NRG1: variants seen among roughly 807,000 people sequenced by gnomAD.
The protein encoded by NRG1 is neuregulin 1.
A neutral mutation model predicts 63.8 loss-of-function variants in NRG1; 18 were observed. The observed-to-expected ratio is 0.28, with a 90% CI of 0.19 to 0.42. NRG1 has a LOEUF of 0.42. Among genes scored for constraint, NRG1 ranks in the 10% least tolerant of loss-of-function variants. The pLI, the probability that NRG1 is intolerant of heterozygous loss-of-function variation, is 1.00. For missense variants in NRG1, 762 were observed against 814.7 expected (o/e 0.94, Z 0.79); for synonymous variants, 302 against 301.3 (o/e 1.00, Z -0.02).
At chr8:31,909,995 A>G (rs1832811660) in intron 1 of NRG1, among the ~76,000 whole-genome samples, 1 of 152,218 alleles carries the variant, frequency 6.6e-6, no homozygotes, top group Non-Finnish European at 1.5e-5. Flanking sequence ...ATGGGCCATT[A>G]AAATGCAAAC....
rs377759409 is a variant in NRG1, at chr8:32,094,306, G to A, written c.37+454875G>A. Among the ~76,000 whole-genome samples, 12 of 152,230 alleles carry A rather than the reference G, an allele frequency of 7.9e-5. No individual in the cohort carries two copies. In the South Asian group the frequency reaches 1.5e-3, roughly 18 times the overall value. On this transcript the variant is annotated intron_variant, in intron 1 of 10. Transcript: ENST00000519301. ...CAAGGTCAAAGAAGAAGAAGTAAGCGACTTGGCTAGGATGAGCTGTGACTT... is the reference window on the plus strand; with the variant it reads ...CAAGGTCAAAGAAGAAGAAGTAAGCAACTTGGCTAGGATGAGCTGTGACTT...
chr8:31,955,702 A>G (rs1407291359), intron 1 of NRG1, among the ~76,000 whole-genome samples: 1 of 152,114 alleles, frequency 6.6e-6, no homozygotes, highest in Non-Finnish European at 1.5e-5. Flanking sequence ...AAAAGTAGGG[A>G]TGCAGACAGC....
intron 1 of NRG1, among the ~76,000 whole-genome samples, chr8:32,428,431 AG>A (rs1817692972): frequency 6.6e-6 from 1 of 151,882 alleles, no homozygotes. Flanking sequence ...GTTCTAAAGC[AG>A]GGCTTCATTG....
In NRG1 at chr8:32,000,500, C is replaced by T. The variant is rs1812748953; in HGVS notation, c.37+361069C>T. ...CAGGCTGATCCCAAACTCCTGGCCT[C>T]AAGCAATCCTCCCACCTCAGCCCCC... On this transcript the variant is annotated intron_variant, in intron 1 of 10. Transcript: ENST00000519301. Among the ~76,000 whole-genome samples, 5 of 151,996 alleles carry T rather than the reference C, an allele frequency of 3.3e-5. No homozygotes were observed. In the South Asian group the frequency reaches 1.0e-3, roughly 32 times the overall value.
At chr8:31,934,524 C>A (rs892663220) in intron 1 of NRG1, among the ~76,000 whole-genome samples, 1 of 147,300 alleles carries the variant, frequency 6.8e-6, no homozygotes, top group South Asian at 2.2e-4. Flanking sequence ...CTCCCGGGTT[C>A]AAGCGATTCC....
intron 1 of NRG1, among the ~76,000 whole-genome samples, chr8:31,984,210 A>C (rs1275081615): frequency 6.6e-6 from 1 of 152,160 alleles, no homozygotes; most frequent in East Asian, 1.9e-4. Context: ...GGAAATTCTG[A>C]AAGATACAAG....
At chr8:32,683,603 A>G (rs1333798986) in intron 5 of NRG1, among the ~76,000 whole-genome samples, 1 of 152,114 alleles carries the variant, frequency 6.6e-6, no homozygotes, top group African/African-American at 2.4e-5. Context: ...CTGCCAGGAG[A>G]AGGGTTGCCT....
exon 12 of NRG1, chr8:32,764,638 G>C (rs935089000): frequency 2.8e-6 from 1 of 362,584 alleles, no homozygotes; most frequent in Admixed American, 4.3e-5. Context: ...ATGTTATGTC[G>C]AGAGCAAGTT....
At chr8:31,844,945 A>G (rs1826540618) in intron 1 of NRG1, among the ~76,000 whole-genome samples, 1 of 152,008 alleles carries the variant, frequency 6.6e-6, no homozygotes, top group South Asian at 2.1e-4. Flanking sequence ...CATCTCTACT[A>G]ACAATACAAA....
chr8:31,822,545 C>A (rs1268448973), intron 1 of NRG1, among the ~76,000 whole-genome samples: 1 of 152,178 alleles, frequency 6.6e-6, no homozygotes, highest in Non-Finnish European at 1.5e-5. Context: ...ACAGCAGCCA[C>A]TAGGCCTCCC....
rs138784832 is a variant in NRG1 at position 31,976,343 on chromosome 8, A to C, written c.37+336912A>C. Among the ~76,000 whole-genome samples the C allele has an allele frequency of 1.0e-3, 154 of 152,028 alleles. 1 individual carries two copies. The highest frequency in any genetic ancestry group is 3.5e-3 in the African/African-American group (144 of 41,472). ...ATTCTGGGTCTCCCTTCATCTTTGT[A>C]GGTTTCTGAGCTATTTTTGTACTGT... On this transcript the variant is annotated intron_variant, in intron 1 of 10. Coordinates refer to the NRG1 transcript ENST00000519301.
chr8:32,111,622 T>C (rs1336095050), intron 1 of NRG1, among the ~76,000 whole-genome samples: 1 of 152,226 alleles, frequency 6.6e-6, no homozygotes, highest in East Asian at 1.9e-4. Context: ...AATTGTCCAA[T>C]ATTTCTCAAG....
chr8:31,648,124 CTTTTTTTTTTTTTTTT>C (rs36074483), intron 1 of NRG1, among the ~76,000 whole-genome samples: 1 of 51,274 alleles, frequency 2.0e-5, no homozygotes, highest in Non-Finnish European at 3.3e-5. Flanking sequence ...TTTGACTACT[CTTTTTTTTTTTTTTTT>C]TTTTTTTTTT....
intron 5 of NRG1, among the ~76,000 whole-genome samples, chr8:32,659,737 C>T (rs1802410501): frequency 6.6e-6 from 1 of 152,174 alleles, no homozygotes; most frequent in Admixed American, 6.5e-5. Flanking sequence ...CCCCAGTCTT[C>T]ATCCCGATGG....
At chr8:32,695,810 A>C (rs1813154728) in intron 5 of NRG1, among the ~76,000 whole-genome samples, 1 of 152,238 alleles carries the variant, frequency 6.6e-6, no homozygotes, top group Admixed American at 6.5e-5. Flanking sequence ...AATCAGAGGG[A>C]GCAAGGTATT....
intron 1 of NRG1, among the ~76,000 whole-genome samples, chr8:31,838,052 T>C (rs1825846203): frequency 6.6e-6 from 1 of 152,098 alleles, no homozygotes; most frequent in South Asian, 2.1e-4. Context: ...TCCATACTGT[T>C]TTCCACAATG....
chr8:31,899,563 C>A (rs901839646), intron 1 of NRG1, among the ~76,000 whole-genome samples: 2 of 152,100 alleles, frequency 1.3e-5, no homozygotes, highest in Non-Finnish European at 2.9e-5. Context: ...ATTATCATTT[C>A]TTACTGGTCC....
chr8:32,547,141 T>C (rs1833154041), upstream of NRG1, among the ~76,000 whole-genome samples: 1 of 152,200 alleles, frequency 6.6e-6, no homozygotes, highest in Non-Finnish European at 1.5e-5. Context: ...CTGAGAATGT[T>C]TTCTCTACAT....
intron 1 of NRG1, among the ~76,000 whole-genome samples, chr8:32,443,526 T>C (rs1035352405): frequency 1.1e-4 from 16 of 152,086 alleles, no homozygotes; most frequent in Admixed American, 9.2e-4. Context: ...CTAGGACAAG[T>C]GGCAGCTAAG....
Sources: gnomAD v4.1 joint callset for allele counts (sites outside exome capture counted in the v4.1 genomes callset) on GRCh38, gnomAD v4.1.1 for gene constraint, MANE v1.5 for transcripts, NCBI Gene and HGNC (gene_info 2026-07-23, HGNC 2026-07-21) for gene names.